Variants in ST18 observed in about 807,000 individuals in gnomAD.
ST18 encodes the protein ST18 C2H2C-type zinc finger transcription factor.
ST18 carries 50 observed loss-of-function variants against 110.0 expected under a neutral mutation model. The observed-to-expected ratio is 0.45, with a 90% CI of 0.36 to 0.58. ST18 has a LOEUF of 0.58. Among genes scored for constraint, ST18 ranks in the 20% least tolerant of loss-of-function variants. The pLI is 0.00. For synonymous variants in ST18, 461 were observed against 452.4 expected, an observed-to-expected ratio of 1.02 and a Z score of -0.24; for missense variants, 1,306 against 1,280.1, an observed-to-expected ratio of 1.02 and a Z score of -0.31.
At chr8:52,231,667 G>A (rs1481084198) in intron 2 of ST18, among the ~76,000 whole-genome samples, 1 of 152,154 alleles carries the variant, frequency 6.6e-6, no homozygotes, top group African/African-American at 2.4e-5. Context: ...AGTAAAAATG[G>A]GGTTTCACCA....
chr8:52,402,082 T>C (rs554708328), intron 2 of ST18, among the ~76,000 whole-genome samples: 1 of 152,302 alleles, frequency 6.6e-6, no homozygotes, highest in East Asian at 1.9e-4. Flanking sequence ...TGCAAGTACC[T>C]CAGTGTCTTC....
chr8:52,363,636 G>A (rs1226928593), intron 2 of ST18, among the ~76,000 whole-genome samples: 1 of 152,106 alleles, frequency 6.6e-6, no homozygotes. Context: ...CATATATTAA[G>A]CATGTTACAT....
At chr8:52,371,387 AT>A (rs1298167200) in intron 2 of ST18, among the ~76,000 whole-genome samples, 1 of 152,232 alleles carries the variant, frequency 6.6e-6, no homozygotes, top group Non-Finnish European at 1.5e-5. Context: ...TTTGATTACT[AT>A]TGAACATCAA....
At chr8:52,182,733 A>G (rs746051618) in intron 8 of ST18, among the ~76,000 whole-genome samples, 1 of 152,184 alleles carries the variant, frequency 6.6e-6, no homozygotes, top group African/African-American at 2.4e-5. Flanking sequence ...CTGTACCTAG[A>G]GTCAACAATA....
intron 2 of ST18, among the ~76,000 whole-genome samples, chr8:52,383,200 A>C (rs1191302785): frequency 6.6e-6 from 1 of 152,190 alleles, no homozygotes; most frequent in Non-Finnish European, 1.5e-5. Context: ...TTTATTAGAA[A>C]GATAAACAGG....
chr8:52,348,745 CA>C (rs754385881), intron 2 of ST18, among the ~76,000 whole-genome samples: 47 of 151,578 alleles, frequency 3.1e-4, no homozygotes, highest in African/African-American at 1.0e-3. Context: ...AACTCCACCT[CA>C]AAAAAAATTG....
At chr8:52,299,488 A>C (rs2095683563) in intron 2 of ST18, among the ~76,000 whole-genome samples, 1 of 152,210 alleles carries the variant, frequency 6.6e-6, no homozygotes, top group Admixed American at 6.5e-5. Flanking sequence ...TTATCTTAAA[A>C]CATATTAAAC....
At chr8:52,188,394 C>A (rs1056623771) in intron 8 of ST18, among the ~76,000 whole-genome samples, 2 of 152,118 alleles carry the variant, frequency 1.3e-5, no homozygotes, top group Non-Finnish European at 1.5e-5. Flanking sequence ...ACAGCAGGTG[C>A]AAGGGCCCTG....
chr8:52,370,214 G>A (rs969346993), intron 2 of ST18, among the ~76,000 whole-genome samples: 11 of 152,196 alleles, frequency 7.2e-5, no homozygotes, highest in African/African-American at 2.2e-4. Flanking sequence ...GGGGTCTAGC[G>A]TCTAATAAGG....
At chr8:52,288,808 C>A (rs1348889951) in intron 2 of ST18, among the ~76,000 whole-genome samples, 2 of 151,862 alleles carry the variant, frequency 1.3e-5, no homozygotes, top group South Asian at 2.1e-4. Context: ...AAAAAATCAT[C>A]AAAAATATTG....
chr8:52,260,416 G>A (rs2094651174), intron 2 of ST18, among the ~76,000 whole-genome samples: 1 of 148,524 alleles, frequency 6.7e-6, no homozygotes, highest in South Asian at 2.1e-4. Context: ...ACTCTGTCTT[G>A]TTCTTATTTA....
At chr8:52,187,193 A>G (rs1342826782) in intron 8 of ST18, among the ~76,000 whole-genome samples, 4 of 152,364 alleles carry the variant, frequency 2.6e-5, no homozygotes, top group Non-Finnish European at 2.9e-5. Context: ...AATAGAGCCA[A>G]TGATAACAGG....
intron 2 of ST18, among the ~76,000 whole-genome samples, chr8:52,339,288 C>T (rs1333858961): frequency 6.6e-6 from 1 of 152,196 alleles, no homozygotes; most frequent in Non-Finnish European, 1.5e-5. Flanking sequence ...ACAGAAAACT[C>T]TCTCACATCA....
chr8:52,237,082 C>A (rs779545624), intron 2 of ST18, among the ~76,000 whole-genome samples: 3 of 152,192 alleles, frequency 2.0e-5, no homozygotes, highest in Non-Finnish European at 4.4e-5. Flanking sequence ...CAGATCCTCC[C>A]TCTAGAGCTC....
Position 52,234,358 on chromosome 8 carries a change from G to A in ST18, c.-464-4281C>T, listed in dbSNP as rs558284186. ...CGGCTCACTGCAACCTCCGCCCCCC[G>A]GATTCAAGTGATTCTCCTGCCTCAG... On this transcript the variant is annotated intron_variant, in intron 2 of 25. Transcript: ENST00000689386. Among the ~76,000 whole-genome samples the A allele has an allele frequency of 5.9e-5, 9 of 152,078 alleles. No homozygotes were observed. The South Asian group carries it at 6.2e-4, about 11-fold the overall frequency.
At position 52,111,259 on chromosome 8, in the gene ST18, GTTTGTC is replaced by G. The variant is rs927500517; in HGVS notation, c.*1933_*1938del. On this transcript the variant is annotated 3_prime_UTR_variant, in exon 26 of 26. Coordinates refer to ENST00000689386, the MANE Select transcript of ST18 (RefSeq NM_001352837.2). ...TGTTAAAATATTTAGCAAATTAAAC[GTTTGTC>G]TTTGTAATAAGTGAGCTCATTTGTA... is the stretch of plus-strand genomic sequence containing the variant. 1.9e-5 allele frequency: 6 copies of G among 313,866 alleles called. No individual in the cohort carries two copies. Among genetic ancestry groups the G allele is most frequent in the Non-Finnish European group, 2.9e-5 (5 of 173,242 alleles). 19.4% of individuals were successfully genotyped at this position (313,866 alleles called of 1,614,324 possible). A position where few individuals can be genotyped will look rare whatever the true frequency, so the allele number is the denominator to read the frequency against.
intron 9 of ST18, among the ~76,000 whole-genome samples, chr8:52,174,567 A>G (rs927548251): frequency 6.6e-6 from 1 of 152,204 alleles, no homozygotes; most frequent in African/African-American, 2.4e-5. Context: ...AAATATTCCT[A>G]TTAAGTGCAG....
intron 2 of ST18, among the ~76,000 whole-genome samples, chr8:52,339,833 T>G (rs749743968): frequency 4.6e-5 from 7 of 152,272 alleles, no homozygotes; most frequent in African/African-American, 1.4e-4. Context: ...CTCATTTTTG[T>G]GGATCTTTTG....
chr8:52,218,541 C>T (rs1452998570), intron 5 of ST18, among the ~76,000 whole-genome samples: 2 of 149,518 alleles, frequency 1.3e-5, no homozygotes, highest in Non-Finnish European at 3.0e-5. Context: ...GTATGTGTCA[C>T]CATGCCTGGC....
Sources: allele counts gnomAD v4.1 joint callset (sites outside exome capture counted in the v4.1 genomes callset), GRCh38; gene constraint gnomAD v4.1.1; transcripts MANE v1.5; gene names NCBI Gene and HGNC (gene_info 2026-07-23, HGNC 2026-07-21).